PHACTR1: variants seen among roughly 807,000 people sequenced by gnomAD.
PHACTR1 encodes the protein RPEL repeat containing 1.
In PHACTR1, 16 loss-of-function variants were observed where a neutral mutation model predicts 69.2. That is an observed-to-expected ratio of 0.23 (90% confidence interval 0.16 to 0.35). The LOEUF is 0.35. Ranked by LOEUF, PHACTR1 falls within the 10% of genes least tolerant of loss-of-function variation. The pLI is 1.00. For missense variants in PHACTR1, 510 were observed against 734.7 expected, an observed-to-expected ratio of 0.69 and a Z score of 3.54; for synonymous variants, 312 against 284.5, an observed-to-expected ratio of 1.10 and a Z score of -0.97.
intron 10 of PHACTR1, among the ~76,000 whole-genome samples, chr6:13,257,984 T>C (rs1248052535): frequency 6.6e-6 from 1 of 152,180 alleles, no homozygotes; most frequent in Non-Finnish European, 1.5e-5. Flanking sequence ...GGGACCACGC[T>C]GTGAGAAGCA....
intron 4 of PHACTR1, among the ~76,000 whole-genome samples, chr6:12,892,810 A>G (rs1784290651): frequency 6.6e-6 from 1 of 152,258 alleles, no homozygotes; most frequent in Admixed American, 6.5e-5. Context: ...AGACATGGAA[A>G]CTATTATCTC....
intron 4 of PHACTR1, among the ~76,000 whole-genome samples, chr6:13,051,014 AT>A (rs1805857191): frequency 6.6e-6 from 1 of 151,988 alleles, no homozygotes; most frequent in South Asian, 2.1e-4. Context: ...GCTGTCAAGG[AT>A]TTCCCCATAT....
intron 4 of PHACTR1, among the ~76,000 whole-genome samples, chr6:12,958,402 TC>T (rs1485735907): frequency 7.9e-5 from 12 of 152,194 alleles, no homozygotes; most frequent in Admixed American, 7.9e-4. Context: ...AAAAATTGAA[TC>T]CGCAGCTGTT....
intron 5 of PHACTR1, among the ~76,000 whole-genome samples, chr6:13,119,195 G>A (rs977582906): frequency 5.9e-5 from 9 of 152,118 alleles, no homozygotes; most frequent in Non-Finnish European, 1.2e-4. Flanking sequence ...CTTGTGCATG[G>A]TAAGAAAAGC....
At chr6:13,137,684 G>A (rs1223522) in intron 5 of PHACTR1, among the ~76,000 whole-genome samples, 142,081 of 152,324 alleles carry the variant, frequency 0.93, 66,849 homozygotes, top group Non-Finnish European at 0.99. Context: ...TTGTGCGCTG[G>A]GAATGGAAAT....
At chr6:13,174,736 C>CT (rs1761090877) in intron 6 of PHACTR1, among the ~76,000 whole-genome samples, 2 of 152,096 alleles carry the variant, frequency 1.3e-5, no homozygotes, top group Admixed American at 1.3e-4. Context: ...CTCTCTCTCC[C>CT]CCTCCCTCTC....
At chr6:12,956,306 C>T (rs1300066769) in intron 4 of PHACTR1, among the ~76,000 whole-genome samples, 1 of 152,176 alleles carries the variant, frequency 6.6e-6, no homozygotes, top group African/African-American at 2.4e-5. Flanking sequence ...TTAACTTGAT[C>T]GTCGTATTGT....
At chr6:13,249,366 C>G (rs7759491) in intron 10 of PHACTR1, among the ~76,000 whole-genome samples, 41 of 152,260 alleles carry the variant, frequency 2.7e-4, no homozygotes, top group African/African-American at 9.9e-4. Flanking sequence ...CACCTTGCCC[C>G]CAAACCCCCA....
chr6:12,734,653 C>A (rs950335304), intron 3 of PHACTR1, among the ~76,000 whole-genome samples: 3 of 151,912 alleles, frequency 2.0e-5, no homozygotes, highest in Non-Finnish European at 4.4e-5. Flanking sequence ...TATAAAGTAC[C>A]ACAAGGTGAG....
intron 5 of PHACTR1, among the ~76,000 whole-genome samples, chr6:13,114,866 A>G (rs1005552583): frequency 6.6e-6 from 1 of 152,228 alleles, no homozygotes; most frequent in Non-Finnish European, 1.5e-5. Flanking sequence ...CATCATCACA[A>G]TAATAACAGT....
At chr6:13,183,037 C>A (rs923116118) in intron 7 of PHACTR1, among the ~76,000 whole-genome samples, 1 of 152,094 alleles carries the variant, frequency 6.6e-6, no homozygotes, top group African/African-American at 2.4e-5. Flanking sequence ...CTATATGATA[C>A]CTATCTAATT....
In PHACTR1 at chr6:12,801,799, C is replaced by T. The variant is rs778939164; in HGVS notation, c.250+52009C>T. ...ATAGCTTTATTGAGCAAAGAAGAAT[C>T]TCTGCCTCAGTTCTTCTCCAATATG... On this transcript the variant is annotated intron_variant, in intron 4 of 14. Coordinates refer to ENST00000332995, the MANE Select transcript of PHACTR1 (RefSeq NM_030948.6). Among the ~76,000 whole-genome samples the T allele has an allele frequency of 3.4e-4, 52 of 152,156 alleles. 2 individuals are homozygous for T. Among genetic ancestry groups the T allele is most frequent in the South Asian group, 2.1e-4 (1 of 4,828 alleles).
chr6:12,724,335 AATAAAT>A (rs1762517436), intron 3 of PHACTR1, among the ~76,000 whole-genome samples: 1 of 152,148 alleles, frequency 6.6e-6, no homozygotes, highest in Non-Finnish European at 1.5e-5. Flanking sequence ...TCAAAAAATA[AATAAAT>A]ATATAAAAAT....
At chr6:12,834,267 G>A (rs1777906616) in intron 4 of PHACTR1, among the ~76,000 whole-genome samples, 1 of 152,120 alleles carries the variant, frequency 6.6e-6, no homozygotes, top group Non-Finnish European at 1.5e-5. Flanking sequence ...ATAAAAATAT[G>A]TTCCCTTTGG....
intron 10 of PHACTR1, among the ~76,000 whole-genome samples, chr6:13,241,754 T>C (rs1221735991): frequency 6.6e-6 from 1 of 152,052 alleles, no homozygotes; most frequent in African/African-American, 2.4e-5. Context: ...GTGGGCGCAG[T>C]GGCTCACACC....
chr6:13,025,514 A>G (rs1192457259), intron 4 of PHACTR1, among the ~76,000 whole-genome samples: 1 of 152,182 alleles, frequency 6.6e-6, no homozygotes, highest in Admixed American at 6.5e-5. Flanking sequence ...CATTTAGATG[A>G]GATACACTGT....
chr6:12,816,346 C>G (rs2151221), intron 4 of PHACTR1, among the ~76,000 whole-genome samples: 9,384 of 152,294 alleles, frequency 0.062, 412 homozygotes, highest in Admixed American at 0.1. Flanking sequence ...CTGAAGTTCT[C>G]TCTAAGGTAA....
intron 4 of PHACTR1, among the ~76,000 whole-genome samples, chr6:13,033,724 T>C (rs1410953500): frequency 6.6e-6 from 1 of 152,222 alleles, no homozygotes; most frequent in Non-Finnish European, 1.5e-5. Context: ...GTTTCAACTT[T>C]TATAGTATGA....
chr6:12,732,303 C>T (rs1378280136), intron 3 of PHACTR1, among the ~76,000 whole-genome samples: 1 of 88,884 alleles, frequency 1.1e-5, no homozygotes, highest in East Asian at 1.0e-3. Context: ...CATGGGCACA[C>T]ACAGATTTTT....
Sources: allele counts gnomAD v4.1 joint callset (sites outside exome capture counted in the v4.1 genomes callset), GRCh38; gene constraint gnomAD v4.1.1; transcripts MANE v1.5; gene names NCBI Gene and HGNC (gene_info 2026-07-23, HGNC 2026-07-21).